HTT: variants seen among roughly 807,000 people sequenced by gnomAD.
HTT encodes huntington disease protein.
A neutral mutation model predicts 362.3 loss-of-function variants in HTT; 104 were observed. The ratio of observed to expected loss-of-function variants is 0.29; its 90% CI spans 0.24 to 0.34. HTT has a LOEUF of 0.34. Ranked by LOEUF, HTT falls within the 10% of genes least tolerant of loss-of-function variation. The pLI is 1.00. For synonymous variants in HTT, 1,577 were observed against 1,548.7 expected, an observed-to-expected ratio of 1.02 and a Z score of -0.43; for missense variants, 3,301 against 3,928.6, an observed-to-expected ratio of 0.84 and a Z score of 4.27.
intron 14 of HTT, 91 bp from the exon 15 acceptor site, chr4:3,131,195 A>G (rs1282123604): frequency 8.1e-6 from 8 of 983,570 alleles, no homozygotes; most frequent in Non-Finnish European, 1.1e-5. Context: ...CACCTGGCTT[A>G]AGTGCTGCTC....
rs362278 is a variant in HTT at position 3,212,148 on chromosome 4, T to A, written c.6628+6T>A. On this transcript the variant is annotated splice_donor_region_variant and intron_variant, in intron 48 of 66. Transcript: ENST00000355072. ...CAAGTTGAATGATCTGTTTGGTAAT[T>A]AAAATTAAAATTTATCTTATTTTTA... 1 of 1,596,298 alleles carries A rather than the reference T, an allele frequency of 6.3e-7. No homozygotes were observed. Among genetic ancestry groups the A allele is most frequent in the Non-Finnish European group, 8.6e-7 (1 of 1,167,318 alleles).
chr4:3,127,280 G>A lies in HTT; in HGVS notation c.1419G>A (p.Glu473=), dbSNP rs1715564686. ...SSALTASVKD[E]ISGELAASSG... is the part of the protein sequence containing the mutation. Reference sequence around the variant, plus strand: ...TGTCTTCAGCCTCAGTGAAGGATGAGATCAGTGGAGAGCTGGCTGCTTCTT... The same window carrying A: ...TGTCTTCAGCCTCAGTGAAGGATGAAATCAGTGGAGAGCTGGCTGCTTCTT... The change falls in exon 12 of 67, where the codon GAG becomes GAA. Residue 473 remains glutamate (E), a synonymous_variant. Transcript: ENST00000355072. 6.2e-7 allele frequency: 1 copy of A among 1,613,580 alleles called. No homozygotes were observed. Among genetic ancestry groups the A allele is most frequent in the East Asian group, 2.2e-5 (1 of 44,862 alleles).
At chr4:3,116,321 C>A in intron 8 of HTT, 58 bp downstream of exon 8, 2 of 1,438,922 alleles carry the variant, frequency 1.4e-6, no homozygotes, top group Non-Finnish European at 1.9e-6. Context: ...TTCAAAGAAC[C>A]GATTAATTTG....
chr4:3,079,880 ATGAC>A (rs1436311828), intron 1 of HTT, among the ~76,000 whole-genome samples: 1 of 152,176 alleles, frequency 6.6e-6, no homozygotes, highest in African/African-American at 2.4e-5. Context: ...AGTGTGAGGA[ATGAC>A]TGACTGGATT....
chr4:3,131,853 T>G, intron 16 of HTT, 78 bp downstream of exon 16: 1 of 1,400,716 alleles, frequency 7.1e-7, no homozygotes, highest in Admixed American at 1.9e-5. Flanking sequence ...ACTATTTTAG[T>G]TTTAGAGCAG....
chr4:3,182,737 G>C (rs2269477), intron 37 of HTT, among the ~76,000 whole-genome samples: 3 of 152,044 alleles, frequency 2.0e-5, no homozygotes, highest in South Asian at 4.1e-4. Flanking sequence ...GAGTGCTGGG[G>C]TGAGGGCGGG....
At chr4:3,190,294 CTAT>C (rs1427031535) in intron 40 of HTT, among the ~76,000 whole-genome samples, 2 of 148,804 alleles carry the variant, frequency 1.3e-5, no homozygotes, top group East Asian at 3.9e-4. Context: ...CTGCAGGGAG[CTAT>C]TATTGCACTC....
rs550031426 is a variant in HTT at position 3,152,007 on chromosome 4, G to A, written c.3499-2286G>A. 7.9e-5 allele frequency among the ~76,000 whole-genome samples: 12 copies of A among 152,044 alleles called. No individual in the cohort carries two copies. The East Asian group carries it at 1.9e-3, about 24-fold the overall frequency. On this transcript the variant is annotated intron_variant, in intron 26 of 66. Transcript: ENST00000355072. Reference sequence around the variant, plus strand: ...CAGTGTCATGATCATAGCTCACTGCGGCCTCGATCTCCCAGGCTCAAGTGA... The same window carrying A: ...CAGTGTCATGATCATAGCTCACTGCAGCCTCGATCTCCCAGGCTCAAGTGA...
chr4:3,217,536 G>A lies in HTT; in HGVS notation c.7055-229G>A, dbSNP rs181063538. ...AGTGGGCCAGAGGGCTGGGAACCAA[G>A]GCCAGAGCTCAGGTTCAGGACCATT... On this transcript the variant is annotated intron_variant, in intron 51 of 66. Transcript: ENST00000355072. 1.7e-4 allele frequency among the ~76,000 whole-genome samples: 26 copies of A among 152,146 alleles called. No homozygotes were observed. The East Asian group carries it at 4.8e-3, about 28-fold the overall frequency.
Position 3,148,134 on chromosome 4 carries a change from T to A in HTT, c.3425T>A (p.Phe1142Tyr), listed in dbSNP as rs767099503. 6.0e-5 allele frequency: 97 copies of A among 1,613,718 alleles called. No individual in the cohort carries two copies. The highest frequency in any genetic ancestry group is 7.4e-5 in the Non-Finnish European group (87 of 1,179,872). The change falls in exon 26 of 67, where the codon TTC becomes TAC. Residue 1142 changes from phenylalanine to tyrosine, a missense_variant. By Grantham distance (22) the Phe-to-Tyr change is conservative. Transcript: ENST00000355072. ...RALVPMVEQL[F>Y]SHLLKVINIC... ...CTGGTGCCCATGGTGGAGCAGCTCT[T>A]CTCTCACCTGCTGAAGGTGATTAAC...
chr4:3,226,223 G>C (rs780404172), intron 57 of HTT, among the ~76,000 whole-genome samples: 1 of 152,176 alleles, frequency 6.6e-6, no homozygotes, highest in African/African-American at 2.4e-5. Flanking sequence ...CCAGTTCTGG[G>C]TGGGAGCCCC....
chr4:3,194,195 G>A (rs1719144181), intron 40 of HTT, among the ~76,000 whole-genome samples: 1 of 152,142 alleles, frequency 6.6e-6, no homozygotes, highest in Admixed American at 6.5e-5. Context: ...CATTTCAGGC[G>A]TGGGTACTTC....
intron 52 of HTT, 35 bp from the exon 53 acceptor site, chr4:3,220,147 A>G (rs773510148): frequency 4.3e-6 from 7 of 1,613,348 alleles, no homozygotes; most frequent in Non-Finnish European, 5.9e-6. Flanking sequence ...TCCTGACTCA[A>G]CTCGGATGAT....
intron 29 of HTT, among the ~76,000 whole-genome samples, chr4:3,162,592 T>C (rs969216633): frequency 5.3e-5 from 8 of 152,252 alleles, no homozygotes; most frequent in African/African-American, 1.9e-4. Flanking sequence ...GTGTCCTCTC[T>C]TATTTCCTTG....
chr4:3,132,429 T>A (rs866676400), intron 16 of HTT, 133 bp from the exon 17 acceptor site: 4 of 698,252 alleles, frequency 5.7e-6, no homozygotes, highest in Middle Eastern at 7.9e-4. Context: ...AGGGTTATTA[T>A]AGTGAAGTCA....
intron 22 of HTT, among the ~76,000 whole-genome samples, chr4:3,141,093 C>A (rs1211517073): frequency 6.6e-6 from 1 of 152,226 alleles, no homozygotes. Context: ...TTATCATTCA[C>A]ATTTATTGTG....
chr4:3,107,484 G>A (rs1714491848), intron 6 of HTT, 61 bp downstream of exon 6: 1 of 1,574,104 alleles, frequency 6.4e-7, no homozygotes, highest in Non-Finnish European at 8.7e-7. Flanking sequence ...TCTGTGGAGG[G>A]TGAGGGCTTC....
Position 3,173,603 on chromosome 4 carries a change from A to G in HTT, c.4166+472A>G, listed in dbSNP as rs150917544. Reference sequence around the variant, plus strand: ...GTTCAGAGGTGTGTGAAGGCCATAGAAGCATCTTGGATATATTACCTTGTG... The same window carrying G: ...GTTCAGAGGTGTGTGAAGGCCATAGGAGCATCTTGGATATATTACCTTGTG... On this transcript the variant is annotated intron_variant, in intron 31 of 66. Coordinates refer to ENST00000355072, the MANE Select transcript of HTT (RefSeq NM_001388492.1). Among the ~76,000 whole-genome samples the G allele has an allele frequency of 2.4e-4, 36 of 152,276 alleles. No homozygotes were observed. In the East Asian group the frequency reaches 6.9e-3, roughly 29 times the overall value.
intron 29 of HTT, among the ~76,000 whole-genome samples, chr4:3,161,049 C>T (rs898389120): frequency 3.3e-5 from 5 of 152,116 alleles, no homozygotes; most frequent in African/African-American, 1.2e-4. Flanking sequence ...TTAGGTATTT[C>T]TCCTAATGTT....
Sources: allele counts gnomAD v4.1 joint callset (sites outside exome capture counted in the v4.1 genomes callset), GRCh38; gene constraint gnomAD v4.1.1; transcripts MANE v1.5; gene names NCBI Gene and HGNC (gene_info 2026-07-23, HGNC 2026-07-21).